NPAS3: variants seen among roughly 807,000 people sequenced by gnomAD.
NPAS3 encodes neuronal PAS domain-containing protein 3.
A neutral mutation model predicts 73.1 loss-of-function variants in NPAS3; 14 were observed. The observed-to-expected ratio is 0.19, with a 90% CI of 0.13 to 0.30. NPAS3 has a LOEUF of 0.30. Among genes scored for constraint, NPAS3 ranks in the 10% least tolerant of loss-of-function variants. The probability of loss-of-function intolerance (pLI) is 1.00; values close to 1 mark genes in which losing one functional copy is unlikely to be tolerated. For synonymous variants in NPAS3, 620 were observed against 541.5 expected (o/e 1.14, Z -2.01); for missense variants, 1,096 against 1,250.0 (o/e 0.88, Z 1.86).
intron 1 of NPAS3, among the ~76,000 whole-genome samples, chr14:32,944,449 T>G (rs993269279): frequency 6.6e-5 from 10 of 152,194 alleles, no homozygotes; most frequent in African/African-American, 2.4e-4. Flanking sequence ...TTGCACATAA[T>G]GGAATATGTG....
chr14:33,507,630 G>A (rs1218587593), intron 4 of NPAS3, among the ~76,000 whole-genome samples: 1 of 151,902 alleles, frequency 6.6e-6, no homozygotes, highest in African/African-American at 2.4e-5. Context: ...TTAGCCTACT[G>A]TTCTCCCTCA....
intron 3 of NPAS3, among the ~76,000 whole-genome samples, chr14:33,220,288 G>A (rs2047375949): frequency 6.6e-6 from 1 of 152,162 alleles, no homozygotes; most frequent in Non-Finnish European, 1.5e-5. Flanking sequence ...ATCCATAGTA[G>A]GTGGTGGGTA....
At chr14:33,699,404 G>T (rs540851096) in intron 6 of NPAS3, among the ~76,000 whole-genome samples, 1 of 152,074 alleles carries the variant, frequency 6.6e-6, no homozygotes, top group African/African-American at 2.4e-5. Context: ...AAACCGAAGC[G>T]CACTCTCTGA....
At chr14:33,676,430 T>G (rs774210613) in intron 6 of NPAS3, 45 bp downstream of exon 6, 5 of 1,497,452 alleles carry the variant, frequency 3.3e-6, no homozygotes, top group African/African-American at 1.4e-5. Context: ...GCAGGACCTT[T>G]GCCAAATGAG....
At chr14:33,024,199 T>C (rs968346647) in intron 1 of NPAS3, among the ~76,000 whole-genome samples, 1 of 150,852 alleles carries the variant, frequency 6.6e-6, no homozygotes, top group African/African-American at 2.5e-5. Flanking sequence ...CAAGATGGAG[T>C]CTTGCTCTGT....
chr14:33,272,717 T>C (rs780827177), intron 3 of NPAS3, among the ~76,000 whole-genome samples: 8 of 152,140 alleles, frequency 5.3e-5, no homozygotes, highest in Non-Finnish European at 1.0e-4. Flanking sequence ...ATTCCTGGCC[T>C]AATTTTATAA....
intron 8 of NPAS3, among the ~76,000 whole-genome samples, chr14:33,775,782 A>T (rs1420641616): frequency 6.6e-6 from 1 of 152,224 alleles, no homozygotes; most frequent in Non-Finnish European, 1.5e-5. Context: ...GGGCCACAGA[A>T]CACCAGGAAA....
chr14:33,438,626 A>G (rs192158190), intron 4 of NPAS3, among the ~76,000 whole-genome samples: 56 of 152,250 alleles, frequency 3.7e-4, no homozygotes, highest in African/African-American at 1.2e-3. Flanking sequence ...CAGCTGGGGT[A>G]TTTTATTAGC....
chr14:33,504,290 T>C (rs939089700), intron 4 of NPAS3, among the ~76,000 whole-genome samples: 1 of 152,006 alleles, frequency 6.6e-6, no homozygotes, highest in African/African-American at 2.4e-5. Flanking sequence ...TTTTCTTATG[T>C]TGTGTGTTAC....
At chr14:33,077,774 G>GTTTTTTTTTT (rs3057435) in intron 2 of NPAS3, among the ~76,000 whole-genome samples, 7,684 of 86,542 alleles carry the variant, frequency 0.089, 974 homozygotes, top group South Asian at 0.17. Flanking sequence ...TGCAGTAAGG[G>GTTTTTTTTTT]TTTTTTTTTT....
At chr14:33,593,415 T>C (rs2057136310) in intron 5 of NPAS3, among the ~76,000 whole-genome samples, 1 of 152,184 alleles carries the variant, frequency 6.6e-6, no homozygotes, top group Non-Finnish European at 1.5e-5. Context: ...TGAGCACATG[T>C]TTTCAAATGA....
At position 33,442,848 on chromosome 14, in the gene NPAS3, G is replaced by A. The variant is rs527311715; in HGVS notation, c.468+75580G>A. Among the ~76,000 whole-genome samples, 25 of 152,286 alleles carry A rather than the reference G, an allele frequency of 1.6e-4. No individual in the cohort carries two copies. The South Asian group carries it at 1.7e-3, about 10-fold the overall frequency. On this transcript the variant is annotated intron_variant, in intron 4 of 11. Coordinates refer to ENST00000356141, the Ensembl canonical transcript of NPAS3. ...GTATTTAAGGAAATGATTTGTTAGC[G>A]TCAGTTAAGACTTGACATTTAGTTC...
chr14:33,036,319 A>G (rs1048569626), intron 1 of NPAS3, among the ~76,000 whole-genome samples: 5 of 152,288 alleles, frequency 3.3e-5, no homozygotes, highest in South Asian at 2.1e-4. Flanking sequence ...TGGCAGCTTG[A>G]TAAGAACAAG....
At chr14:33,784,875 C>T (rs1311266585) in intron 9 of NPAS3, among the ~76,000 whole-genome samples, 7 of 149,560 alleles carry the variant, frequency 4.7e-5, no homozygotes, top group Admixed American at 6.6e-5. Flanking sequence ...CTCAGCCTCC[C>T]GAGTAGCTGG....
chr14:33,517,263 A>G (rs376796185), intron 4 of NPAS3, among the ~76,000 whole-genome samples: 2 of 152,074 alleles, frequency 1.3e-5, no homozygotes, highest in Non-Finnish European at 2.9e-5. Context: ...AGCACGGGTC[A>G]TCAACCTCTG....
At chr14:33,028,192 A>C (rs2039871105) in intron 1 of NPAS3, among the ~76,000 whole-genome samples, 1 of 152,192 alleles carries the variant, frequency 6.6e-6, no homozygotes, top group Non-Finnish European at 1.5e-5. Flanking sequence ...CACGTGTGAA[A>C]TACATTTATA....
chr14:33,741,721 A>T (rs1461443557), intron 7 of NPAS3, among the ~76,000 whole-genome samples: 2 of 152,210 alleles, frequency 1.3e-5, no homozygotes, highest in African/African-American at 2.4e-5. Flanking sequence ...ATCACTAGCC[A>T]TTCTGGGAAG....
At chr14:33,236,131 C>T (rs905906660) in intron 3 of NPAS3, among the ~76,000 whole-genome samples, 1 of 151,868 alleles carries the variant, frequency 6.6e-6, no homozygotes, top group Non-Finnish European at 1.5e-5. Context: ...TCTGGTTTGA[C>T]TTCTGTCCTT....
chr14:33,523,071 T>C (rs1452250678), intron 4 of NPAS3, among the ~76,000 whole-genome samples: 1 of 152,126 alleles, frequency 6.6e-6, no homozygotes, highest in Non-Finnish European at 1.5e-5. Context: ...CACTCTAAGA[T>C]AGTTAGACAA....
Sources: allele counts gnomAD v4.1 joint callset (sites outside exome capture counted in the v4.1 genomes callset), GRCh38; gene constraint gnomAD v4.1.1; transcripts MANE v1.5; gene names NCBI Gene and HGNC (gene_info 2026-07-23, HGNC 2026-07-21).